The following CYGB variants were observed in gnomAD, a reference collection of about 807,000 sequenced individuals.
The protein encoded by CYGB is cytoglobin, also known as histoglobin.
Under a neutral mutation model 20.7 loss-of-function variants are expected in CYGB, and 13 were observed. The observed-to-expected ratio is 0.63, with a 90% confidence interval of 0.41 to 1.00. The LOEUF (loss-of-function observed/expected upper bound fraction) is 1.00, where lower values mean the gene tolerates loss of function less well. Among genes scored for constraint, CYGB ranks in the 50% least tolerant of loss-of-function variants. The pLI, the probability that CYGB is intolerant of heterozygous loss-of-function variation, is 0.00. For missense variants in CYGB, 218 were observed against 257.2 expected (o/e 0.85, Z 1.04); for synonymous variants, 93 against 107.4 (o/e 0.87, Z 0.83).
Position 76,533,291 on chromosome 17 carries a change from G to A in CYGB, c.144-1600C>T, listed in dbSNP as rs987605594. Among the ~76,000 whole-genome samples, 3 of 152,172 alleles carry A rather than the reference G, an allele frequency of 2.0e-5. No homozygotes were observed. The highest frequency in any genetic ancestry group is 2.9e-5 in the Non-Finnish European group (2 of 68,032). ...CCCGCTCACTGCTTCATGGATACAC[G>A]GGTGAGGACACGTGAGGCGACGGGT... is the stretch of plus-strand genomic sequence containing the variant. On this transcript the variant is annotated intron_variant, in intron 1 of 3. Coordinates refer to ENST00000293230, the MANE Select transcript of CYGB (RefSeq NM_134268.5). This position sits in a 1 kb window ranked among gnomAD's most constrained non-coding sequence, Gnocchi z 4.5.
Position 76,546,569 on chromosome 17 carries a change from G to A in CYGB, c.-53+4293C>T, listed in dbSNP as rs2075056091. On this transcript the variant is annotated intron_variant, in intron 1 of 3. Coordinates refer to the CYGB transcript ENST00000589145. The surrounding 1 kb of genome is among the most constrained non-coding windows in gnomAD (Gnocchi z 4.5). ...CTATGAGACAGGCACAATGGCGAGA[G>A]AGCAAACCCTGCTGGTTCCTCAGGC... The A allele has an allele frequency of 6.6e-6, 1 of 152,146 alleles. No homozygotes were observed. Among genetic ancestry groups the A allele is most frequent in the South Asian group, 2.1e-4 (1 of 4,824 alleles). 9.4% of individuals were successfully genotyped at this position (152,146 alleles called of 1,614,324 possible).
upstream of CYGB, chr17:76,538,629 G>T: frequency 2.7e-6 from 1 of 373,288 alleles, no homozygotes; most frequent in Non-Finnish European, 5.6e-6. Flanking sequence ...GCAGGCTGCT[G>T]GGGACATCTC....
Position 76,527,458 on chromosome 17 carries a change from A to C in CYGB, c.*1120T>G, listed in dbSNP as rs1296800083. 1 of 381,048 alleles carries C rather than the reference A, an allele frequency of 2.6e-6. No homozygotes were observed. The highest frequency in any genetic ancestry group is 5.2e-6 in the Non-Finnish European group (1 of 191,772). The allele number at this position is 381,048 out of a possible 1,614,324, so 23.6% of individuals were successfully genotyped here. ...GGTTGCACAGATGAGGATGAGGATGAAGATGAGGATGAGGATGGGCCAGGA... is the reference window on the plus strand; with the variant it reads ...GGTTGCACAGATGAGGATGAGGATGCAGATGAGGATGAGGATGGGCCAGGA... On this transcript the variant is annotated 3_prime_UTR_variant, in exon 4 of 4. Coordinates refer to ENST00000293230, the MANE Select transcript of CYGB (RefSeq NM_134268.5).
At chr17:76,545,204 C>T (rs1413909690) in intron 1 of CYGB, 1 of 456,666 alleles carries the variant, frequency 2.2e-6, no homozygotes, top group African/African-American at 2.0e-5. Flanking sequence ...TGCACATTTG[C>T]AGCTCCTGCT....
intron 3 of CYGB, chr17:76,529,096 G>A (rs1214732667): frequency 8.2e-6 from 8 of 973,172 alleles, no homozygotes; most frequent in African/African-American, 3.8e-5. Context: ...GAGCAGAGAC[G>A]GCTCAATAAA....
At position 76,546,878 on chromosome 17, in the gene CYGB, A is replaced by T. The variant is rs1483148768; in HGVS notation, c.-53+3984T>A. 6.6e-6 allele frequency: 1 copy of T among 152,224 alleles called. No individual in the cohort carries two copies. Among genetic ancestry groups the T allele is most frequent in the African/African-American group, 2.4e-5 (1 of 41,442 alleles). The allele number at this position is 152,224 out of a possible 1,614,324, so 9.4% of individuals were successfully genotyped here. ...CCAATAAGGAAAGTGAGGTTCACAG[A>T]ACTTGCTCAAGGTCACTCATAGCTG... On this transcript the variant is annotated intron_variant, in intron 1 of 3. Coordinates refer to the CYGB transcript ENST00000589145. This position sits in a 1 kb window ranked among gnomAD's most constrained non-coding sequence, Gnocchi z 4.5.
intron 1 of CYGB, among the ~76,000 whole-genome samples, chr17:76,547,961 C>T (rs1223628151): frequency 1.3e-5 from 2 of 151,610 alleles, no homozygotes; most frequent in African/African-American, 4.8e-5. Context: ...TATACACACA[C>T]ATACACATAA....
intron 1 of CYGB, chr17:76,544,298 A>G (rs1299367492): frequency 4.4e-6 from 2 of 454,342 alleles, no homozygotes; most frequent in South Asian, 3.1e-5. Flanking sequence ...ACTTCCAGGC[A>G]GTAGAAGATG....
chr17:76,537,384 G>A lies in CYGB; in HGVS notation c.143+16C>T, dbSNP rs1329237304. Reference sequence around the variant, plus strand: ...CCCTCCCTGCCCAGGGCCCGGCCGGGCCGGGCGACACCTACCTCACCAGGA... The same window carrying A: ...CCCTCCCTGCCCAGGGCCCGGCCGGACCGGGCGACACCTACCTCACCAGGA... On this transcript the variant is annotated intron_variant, in intron 1 of 3. Coordinates refer to ENST00000293230, the MANE Select transcript of CYGB (RefSeq NM_134268.5). The A allele has an allele frequency of 6.3e-7, 1 of 1,580,812 alleles. No homozygotes were observed. The highest frequency in any genetic ancestry group is 8.6e-7 in the Non-Finnish European group (1 of 1,165,184).
upstream of CYGB, among the ~76,000 whole-genome samples, chr17:76,538,999 G>A (rs959988825): frequency 1.3e-5 from 2 of 152,252 alleles, no homozygotes; most frequent in Admixed American, 6.5e-5. Context: ...AGCCTCAGCT[G>A]CAGCCTGGGC....
chr17:76,531,429 T>G lies in CYGB; in HGVS notation c.375+31A>C, dbSNP rs759861535. On this transcript the variant is annotated intron_variant, in intron 2 of 3. Transcript: ENST00000293230. The surrounding 1 kb of genome is among the most constrained non-coding windows in gnomAD (Gnocchi z 7.4). ...GCAGATGGCCATGACGCGTGGGCGG[T>G]GGGGGCTCTGCAGCAGATGGGGGCG... 1.6e-5 allele frequency: 25 copies of G among 1,590,382 alleles called. No homozygotes were observed. Among genetic ancestry groups the G allele is most frequent in the African/African-American group, 4.0e-5 (3 of 74,480 alleles).
At chr17:76,535,049 G>T (rs538562666) in intron 1 of CYGB, among the ~76,000 whole-genome samples, 1 of 152,252 alleles carries the variant, frequency 6.6e-6, no homozygotes, top group African/African-American at 2.4e-5. Flanking sequence ...GTGTGAGGAG[G>T]AAGGTGTCAG....
upstream of CYGB, chr17:76,542,542 CCT>C (rs756225936): frequency 6.2e-7 from 1 of 1,614,212 alleles, no homozygotes; most frequent in Admixed American, 1.7e-5. Flanking sequence ...CCAGTGCTTT[CCT>C]CTGTTTAGGG....
At position 76,531,267 on chromosome 17, in the gene CYGB, G is replaced by C; in HGVS notation, c.376-125C>G. 1 of 1,249,554 alleles carries C rather than the reference G, an allele frequency of 8.0e-7. No homozygotes were observed. Among genetic ancestry groups the C allele is most frequent in the Non-Finnish European group, 1.1e-6 (1 of 901,352 alleles). 77.4% of individuals were successfully genotyped at this position (1,249,554 alleles called of 1,614,324 possible). ...TAACGCAACAGTCTGGCAGCTTTGG[G>C]AACCCCGTGCTCTCAGGACAAGGGT... On this transcript the variant is annotated intron_variant, in intron 2 of 3. Transcript: ENST00000293230. The surrounding 1 kb of genome is among the most constrained non-coding windows in gnomAD (Gnocchi z 7.4).
At chr17:76,543,180 T>C (rs1231325847) in intron 1 of CYGB, 3 of 452,354 alleles carry the variant, frequency 6.6e-6, no homozygotes, top group Non-Finnish European at 4.6e-6. Context: ...AGGCCCTGGG[T>C]GTGGGCTCCT....
intron 1 of CYGB, chr17:76,544,609 G>A (rs754575986): frequency 4.4e-6 from 2 of 456,642 alleles, no homozygotes; most frequent in South Asian, 1.5e-5. Flanking sequence ...CCGTGAGCCC[G>A]TGATCGCCTG....
intron 1 of CYGB, chr17:76,543,735 G>A (rs1326908967): frequency 4.3e-6 from 2 of 468,708 alleles, no homozygotes; most frequent in African/African-American, 2.0e-5. Flanking sequence ...GCCGCCACTT[G>A]TGGTCCGAGG....
chr17:76,529,563 G>A, intron 3 of CYGB: 1 of 985,138 alleles, frequency 1.0e-6, no homozygotes, highest in Non-Finnish European at 1.2e-6. Context: ...TTGTAAAAAA[G>A]CCCTTTTCTC....
upstream of CYGB, among the ~76,000 whole-genome samples, chr17:76,541,535 C>A (rs1351867113): frequency 1.3e-5 from 2 of 152,268 alleles, no homozygotes; most frequent in Admixed American, 1.3e-4. Context: ...TGTCTCCTGT[C>A]GTCTGAGTCC....
Sources: gnomAD v4.1 joint callset for allele counts (sites outside exome capture counted in the v4.1 genomes callset) on GRCh38, gnomAD v4.1.1 for gene constraint, Gnocchi (gnomAD v3.1) non-coding constraint, MANE v1.5 for transcripts, NCBI Gene and HGNC (gene_info 2026-07-23, HGNC 2026-07-21) for gene names.